Variants in FLACC1 observed in about 807,000 individuals in gnomAD.
The protein encoded by FLACC1 is flagellum-associated coiled-coil domain-containing protein 1.
FLACC1 carries 66 observed loss-of-function variants against 62.8 expected under a neutral mutation model. That is an observed-to-expected ratio of 1.05 (90% CI 0.86 to 1.29). FLACC1 has a LOEUF of 1.29. Ranked by LOEUF, FLACC1 falls within the 50% of genes most tolerant of loss-of-function variation. The probability of loss-of-function intolerance (pLI) is 0.00; values close to 1 mark genes in which losing one functional copy is unlikely to be tolerated. For synonymous variants in FLACC1, 156 were observed against 161.0 expected (o/e 0.97, Z 0.24); for missense variants, 452 against 489.1 (o/e 0.92, Z 0.71).
intron 12 of FLACC1, among the ~76,000 whole-genome samples, chr2:201,296,214 T>C (rs1048359362): frequency 6.6e-6 from 1 of 152,090 alleles, no homozygotes; most frequent in African/African-American, 2.4e-5. Flanking sequence ...CATGCACACG[T>C]ATGTTTATTG....
At chr2:201,291,331 T>G (rs7587417) in intron 12 of FLACC1, among the ~76,000 whole-genome samples, 8,632 of 152,058 alleles carry the variant, frequency 0.057, 692 homozygotes, top group African/African-American at 0.17. Context: ...GACAAAACTT[T>G]CAGAGGAACA....
chr2:201,358,022 G>T (rs1951145836), upstream of FLACC1, among the ~76,000 whole-genome samples: 1 of 151,670 alleles, frequency 6.6e-6, no homozygotes, highest in Non-Finnish European at 1.5e-5. Flanking sequence ...TAATCCACTA[G>T]ATTGATTTCA....
rs1951131546 is a variant in FLACC1 at position 201,357,091 on chromosome 2, C to G, written c.-157G>C. The stretch of plus-strand genomic sequence containing the variant: ...CCCATCAACACAGAATCAGAGTTTA[C>G]TTTAGATCAAAAGCCACTTTAGTGG... On this transcript the variant is annotated 5_prime_UTR_variant, in exon 1 of 15. Transcript: ENST00000392257. 6.6e-6 allele frequency: 1 copy of G among 152,220 alleles called. No individual in the cohort carries two copies. The highest frequency in any genetic ancestry group is 1.5e-5 in the Non-Finnish European group (1 of 68,046). 9.4% of individuals were successfully genotyped at this position (152,220 alleles called of 1,614,324 possible).
rs757422311 is a variant in FLACC1 at position 201,289,549 on chromosome 2, A to T, written c.1050T>A (p.Asn350Lys). 1 of 1,613,998 alleles carries T rather than the reference A, an allele frequency of 6.2e-7. No homozygotes were observed. Among genetic ancestry groups the T allele is most frequent in the South Asian group, 1.1e-5 (1 of 91,070 alleles). ...ELQKEKAIVG[N>K]LEKMLQTKFA... ...ACTTGGTTTGAAGCATTTTCTCCAGATTTCCCACTATAGCTTTCTGAAAGA... is the reference window on the plus strand; with the variant it reads ...ACTTGGTTTGAAGCATTTTCTCCAGTTTTCCCACTATAGCTTTCTGAAAGA... The change falls in exon 14 of 15, where the codon AAT becomes AAA. Residue 350 changes from asparagine (N) to lysine (K), a missense_variant. Physicochemically the swap from Asn to Lys is moderately conservative, Grantham distance 94 (BLOSUM62 0). Around this residue, in one of 3 missense-constraint regions of FLACC1, gnomAD observed 301 missense variants for 318.4 expected, o/e 0.95. Coordinates refer to ENST00000392257, the MANE Select transcript of FLACC1 (RefSeq NM_001127391.3).
chr2:201,340,287 T>C (rs77292533), intron 7 of FLACC1, among the ~76,000 whole-genome samples: 9,432 of 152,286 alleles, frequency 0.062, 603 homozygotes, highest in East Asian at 0.25. Flanking sequence ...TTAATTTTTG[T>C]TTTGTTGTTT....
chr2:201,293,254 T>C (rs1949779473), intron 12 of FLACC1, among the ~76,000 whole-genome samples: 1 of 152,148 alleles, frequency 6.6e-6, no homozygotes. Flanking sequence ...TATTCCAAAA[T>C]TGACCACATA....
At chr2:201,305,117 G>A (rs1338857670) in intron 11 of FLACC1, among the ~76,000 whole-genome samples, 6 of 152,218 alleles carry the variant, frequency 3.9e-5, no homozygotes, top group South Asian at 2.1e-4. Flanking sequence ...TCTGCACAGC[G>A]AAAGAAACTA....
intron 3 of FLACC1, among the ~76,000 whole-genome samples, chr2:201,349,011 C>G (rs916804259): frequency 4.6e-5 from 7 of 152,218 alleles, no homozygotes; most frequent in African/African-American, 1.7e-4. Flanking sequence ...CCAGGATAAT[C>G]TCTCCAACTG....
At chr2:201,313,700 T>C (rs565783503) in intron 9 of FLACC1, among the ~76,000 whole-genome samples, 100 of 152,214 alleles carry the variant, frequency 6.6e-4, no homozygotes, top group African/African-American at 2.3e-3. Context: ...ATCCTCCCCA[T>C]ACTACCACAG....
intron 11 of FLACC1, among the ~76,000 whole-genome samples, chr2:201,302,935 G>A (rs959190410): frequency 6.6e-6 from 1 of 152,190 alleles, no homozygotes; most frequent in African/African-American, 2.4e-5. Flanking sequence ...AAAGCAGTGT[G>A]TAGAGGGAAA....
intron 5 of FLACC1, among the ~76,000 whole-genome samples, chr2:201,344,725 A>G (rs1412042281): frequency 6.6e-6 from 1 of 152,198 alleles, no homozygotes; most frequent in Non-Finnish European, 1.5e-5. Context: ...AGTGGCTTTC[A>G]GCACAGGTCA....
upstream of FLACC1, among the ~76,000 whole-genome samples, chr2:201,361,844 G>T (rs1412312980): frequency 6.6e-6 from 1 of 152,114 alleles, no homozygotes. Flanking sequence ...TTATATATTT[G>T]GGTTTTCTGT....
chr2:201,288,876 C>T lies in FLACC1; in HGVS notation c.1143-95G>A, dbSNP rs780180153. The T allele has an allele frequency of 1.6e-5, 23 of 1,404,082 alleles. No individual in the cohort carries two copies. In the East Asian group the frequency reaches 4.7e-4, roughly 29 times the overall value. The allele number at this position is 1,404,082 out of a possible 1,614,324, so 87.0% of individuals were successfully genotyped here. A position where few individuals can be genotyped will look rare whatever the true frequency, so the allele number is the denominator to read the frequency against. On this transcript the variant is annotated intron_variant, in intron 14 of 14. Transcript: ENST00000392257. ...GCAGGGAGAGAAATGTGCCTTCGTT[C>T]CTTCACCACAGCAGTCTCTCACTCA...
At chr2:201,290,839 C>T (rs531642934) in intron 12 of FLACC1, among the ~76,000 whole-genome samples, 2 of 152,200 alleles carry the variant, frequency 1.3e-5, no homozygotes, top group African/African-American at 2.4e-5. Flanking sequence ...CCTAATACTG[C>T]ATTTTCCAAC....
At chr2:201,303,228 T>C (rs1302247180) in intron 11 of FLACC1, among the ~76,000 whole-genome samples, 1 of 151,456 alleles carries the variant, frequency 6.6e-6, no homozygotes, top group Non-Finnish European at 1.5e-5. Flanking sequence ...ATAGACGCAA[T>C]AAAAAATGAT....
intron 2 of FLACC1, 40 bp downstream of exon 2, chr2:201,351,252 C>T: frequency 6.7e-7 from 1 of 1,500,618 alleles, no homozygotes; most frequent in Non-Finnish European, 9.2e-7. Context: ...CAAATGGATC[C>T]CAAGGTCCCT....
chr2:201,302,487 C>T (rs10192765), intron 11 of FLACC1, among the ~76,000 whole-genome samples: 2 of 152,222 alleles, frequency 1.3e-5, no homozygotes, highest in South Asian at 2.1e-4. Context: ...TAATGGGAGA[C>T]TTTAATACCC....
chr2:201,350,797 CAAAT>C lies in FLACC1; in HGVS notation c.114-19_114-16del. On this transcript the variant is annotated splice_polypyrimidine_tract_variant and intron_variant, in intron 2 of 14. Coordinates refer to ENST00000392257, the MANE Select transcript of FLACC1 (RefSeq NM_001127391.3). Reference sequence around the variant, plus strand: ...GAGGAGTTAGCCTGAAAGTGAAAAACAAATAACTAAAACAAGAACATTGGAAATT... The same window carrying C: ...GAGGAGTTAGCCTGAAAGTGAAAAACAACTAAAACAAGAACATTGGAAATT... 5 of 1,600,218 alleles carry C rather than the reference CAAAT, an allele frequency of 3.1e-6. No individual in the cohort carries two copies. Among genetic ancestry groups the C allele is most frequent in the Middle Eastern group, 1.7e-4 (1 of 6,030 alleles).
In FLACC1 at chr2:201,288,643, G is replaced by A. The variant is rs75174177; in HGVS notation, c.*12C>T. On this transcript the variant is annotated 3_prime_UTR_variant, in exon 15 of 15. Coordinates refer to ENST00000392257, the MANE Select transcript of FLACC1 (RefSeq NM_001127391.3). ...TGCCAACCATCTTCAACAATGCAGAGCAACTTTTTGTTTATGATTCTTGTC... is the reference window on the plus strand; with the variant it reads ...TGCCAACCATCTTCAACAATGCAGAACAACTTTTTGTTTATGATTCTTGTC... The A allele has an allele frequency of 1.5e-3, 2,499 of 1,613,072 alleles. 16 individuals are homozygous for A. Among genetic ancestry groups the A allele is most frequent in the South Asian group, 9.9e-3 (904 of 90,922 alleles).
Sources: allele counts gnomAD v4.1 joint callset (sites outside exome capture counted in the v4.1 genomes callset), GRCh38; gene constraint gnomAD v4.1.1; regional missense constraint gnomAD v4.1.1; transcripts MANE v1.5; gene names NCBI Gene and HGNC (gene_info 2026-07-23, HGNC 2026-07-21).